GNG2: variants seen among roughly 807,000 people sequenced by gnomAD.
The protein encoded by GNG2 is guanine nucleotide-binding protein G(I)/G(S)/G(O) subunit gamma-2.
GNG2 carries 5 observed loss-of-function variants against 5.5 expected under a neutral mutation model. That is an observed-to-expected ratio of 0.91 (90% confidence interval 0.48 to 1.92). The LOEUF (loss-of-function observed/expected upper bound fraction) is 1.92. GNG2 is among the 30% of genes most tolerant of loss of function. The pLI is 0.01. For missense variants in GNG2, 55 were observed against 88.4 expected (o/e 0.62, Z 1.52); for synonymous variants, 28 against 32.0 (o/e 0.88, Z 0.42).
intron 2 of GNG2, among the ~76,000 whole-genome samples, chr14:51,839,869 C>T (rs555910595): frequency 7.2e-5 from 11 of 152,190 alleles, no homozygotes; most frequent in Admixed American, 3.9e-4. Context: ...AATATGGAGT[C>T]CTGGAATATA....
At chr14:51,911,153 T>C (rs1001305065) in intron 2 of GNG2, among the ~76,000 whole-genome samples, 2 of 152,158 alleles carry the variant, frequency 1.3e-5, no homozygotes, top group Non-Finnish European at 2.9e-5. Context: ...GTCAGTACCA[T>C]TGGTCGGCTT....
intron 3 of GNG2, among the ~76,000 whole-genome samples, chr14:51,951,009 C>T (rs1888945740): frequency 6.6e-6 from 1 of 152,078 alleles, no homozygotes; most frequent in Non-Finnish European, 1.5e-5. Context: ...AAAACAGGCT[C>T]ATGGTTAAAT....
chr14:51,944,015 C>G (rs1888500219), intron 2 of GNG2, among the ~76,000 whole-genome samples: 1 of 152,174 alleles, frequency 6.6e-6, no homozygotes, highest in Non-Finnish European at 1.5e-5. Context: ...TTGGAAGACT[C>G]AACACTTTCT....
intron 3 of GNG2, among the ~76,000 whole-genome samples, chr14:51,958,439 T>TC (rs11301974): frequency 0.33 from 43,321 of 129,892 alleles, 7,312 homozygotes; most frequent in Non-Finnish European, 0.4. Context: ...TCTCTTCCGT[T>TC]CCCCCCCCCC....
chr14:51,914,424 G>A, intron 2 of GNG2: 1 of 603,044 alleles, frequency 1.7e-6, no homozygotes. Flanking sequence ...AGGTTCCCAA[G>A]GTGCGGGAGG....
chr14:51,835,198 C>T (rs1277731460), intron 2 of GNG2, among the ~76,000 whole-genome samples: 1 of 152,166 alleles, frequency 6.6e-6, no homozygotes, highest in Non-Finnish European at 1.5e-5. Flanking sequence ...TCAACAATTA[C>T]TGTAAGAAGC....
intron 2 of GNG2, among the ~76,000 whole-genome samples, chr14:51,920,718 A>G (rs1886967666): frequency 6.6e-6 from 1 of 152,196 alleles, no homozygotes; most frequent in Non-Finnish European, 1.5e-5. Flanking sequence ...CCCTCTTTCC[A>G]TTTCATTCTA....
intron 2 of GNG2, among the ~76,000 whole-genome samples, chr14:51,831,923 TAA>T (rs1406883515): frequency 6.6e-6 from 1 of 152,200 alleles, no homozygotes; most frequent in Non-Finnish European, 1.5e-5. Flanking sequence ...TTTCAAAATT[TAA>T]AAAGAGAATT....
chr14:51,936,820 G>A (rs750063888), intron 2 of GNG2, among the ~76,000 whole-genome samples: 42 of 152,216 alleles, frequency 2.8e-4, no homozygotes, highest in Non-Finnish European at 1.9e-4. Context: ...TGGGATTGTA[G>A]GCGTGAGTCA....
At chr14:51,839,084 C>T (rs956568730) in intron 2 of GNG2, among the ~76,000 whole-genome samples, 2 of 152,048 alleles carry the variant, frequency 1.3e-5, no homozygotes, top group African/African-American at 2.4e-5. Flanking sequence ...ATTGTGAGCC[C>T]GAAATATCTG....
chr14:51,964,871 C>T (rs1421070030), intron 3 of GNG2, among the ~76,000 whole-genome samples: 1 of 152,130 alleles, frequency 6.6e-6, no homozygotes, highest in Non-Finnish European at 1.5e-5. Context: ...TGGTGGCATG[C>T]ACCTGTAGTC....
At chr14:51,877,802 G>A (rs1231462363) in intron 2 of GNG2, 145 bp downstream of exon 2, 1 of 223,916 alleles carries the variant, frequency 4.5e-6, no homozygotes, top group East Asian at 1.3e-4. Flanking sequence ...ATATTGACAT[G>A]ACTTCAGAAT....
At chr14:51,893,708 T>G (rs1429112154) in intron 2 of GNG2, among the ~76,000 whole-genome samples, 1 of 152,148 alleles carries the variant, frequency 6.6e-6, no homozygotes, top group African/African-American at 2.4e-5. Context: ...CTTATTCTTC[T>G]TCTAATATTT....
At chr14:51,927,547 C>T (rs908694597) in intron 2 of GNG2, among the ~76,000 whole-genome samples, 3 of 152,208 alleles carry the variant, frequency 2.0e-5, no homozygotes, top group African/African-American at 7.2e-5. Context: ...TATCTTAGTA[C>T]AAATCACACC....
At chr14:51,897,791 C>A (rs1386950811) in intron 2 of GNG2, among the ~76,000 whole-genome samples, 1 of 152,114 alleles carries the variant, frequency 6.6e-6, no homozygotes, top group Non-Finnish European at 1.5e-5. Context: ...CATGTTGGAG[C>A]CAGGGTCCCA....
chr14:51,838,086 G>A (rs980102330), intron 2 of GNG2, among the ~76,000 whole-genome samples: 1 of 151,674 alleles, frequency 6.6e-6, no homozygotes, highest in Admixed American at 6.6e-5. Context: ...TCCAAGTTTT[G>A]GATAATTGTT....
At chr14:51,928,547 C>T (rs966158768) in intron 2 of GNG2, among the ~76,000 whole-genome samples, 2 of 152,138 alleles carry the variant, frequency 1.3e-5, no homozygotes, top group African/African-American at 2.4e-5. Context: ...GTGTGTTCCA[C>T]CCTACCAAGG....
At chr14:51,938,713 G>T (rs1177801011) in intron 2 of GNG2, among the ~76,000 whole-genome samples, 3 of 152,186 alleles carry the variant, frequency 2.0e-5, no homozygotes, top group East Asian at 1.9e-4. Flanking sequence ...ACACAAGGGG[G>T]TGGAAGAGGT....
intron 1 of GNG2, among the ~76,000 whole-genome samples, chr14:51,865,507 G>C (rs1239299376): frequency 6.6e-6 from 1 of 152,084 alleles, no homozygotes; most frequent in Non-Finnish European, 1.5e-5. Context: ...TGCTAGAATG[G>C]TAGAGCTAAA....
Sources: gnomAD v4.1 joint callset for allele counts (sites outside exome capture counted in the v4.1 genomes callset) on GRCh38, gnomAD v4.1.1 for gene constraint, MANE v1.5 for transcripts, NCBI Gene and HGNC (gene_info 2026-07-23, HGNC 2026-07-21) for gene names.